PLXDC2: variants seen among roughly 807,000 people sequenced by gnomAD.
The protein encoded by PLXDC2 is plexin domain containing 2.
PLXDC2 carries 40 observed loss-of-function variants against 68.9 expected under a neutral mutation model. That is an observed-to-expected ratio of 0.58 (90% CI 0.45 to 0.76). The LOEUF is 0.76. Among genes scored for constraint, PLXDC2 ranks in the 30% least tolerant of loss-of-function variants. The pLI is 0.00. For missense variants in PLXDC2, 644 were observed against 661.9 expected (o/e 0.97, Z 0.30); for synonymous variants, 243 against 234.2 (o/e 1.04, Z -0.34).
chr10:20,044,928 AC>A (rs1233109724), intron 2 of PLXDC2, among the ~76,000 whole-genome samples: 1 of 152,124 alleles, frequency 6.6e-6, no homozygotes, highest in Non-Finnish European at 1.5e-5. Context: ...TAGTATACAT[AC>A]CGCGGACACA....
intron 1 of PLXDC2, among the ~76,000 whole-genome samples, chr10:19,946,412 C>T (rs1833901390): frequency 6.6e-6 from 1 of 152,098 alleles, no homozygotes; most frequent in Non-Finnish European, 1.5e-5. Flanking sequence ...CCTCCCCTGA[C>T]CCCCTGACCG....
intron 1 of PLXDC2, among the ~76,000 whole-genome samples, chr10:19,841,025 CTAGAATAGGCATTG>C (rs767739124): frequency 3.3e-5 from 5 of 152,146 alleles, no homozygotes; most frequent in Non-Finnish European, 5.9e-5. Context: ...CCTCAGCTGT[CTAGAATAGGCATTG>C]CTCTGTGTCC....
chr10:19,909,136 G>A (rs374457784), intron 1 of PLXDC2, among the ~76,000 whole-genome samples: 1 of 152,062 alleles, frequency 6.6e-6, no homozygotes, highest in African/African-American at 2.4e-5. Context: ...AGTTTCTATG[G>A]GTAAGAACTG....
intron 1 of PLXDC2, among the ~76,000 whole-genome samples, chr10:19,955,286 G>A (rs1047200929): frequency 2.0e-5 from 3 of 150,688 alleles, no homozygotes; most frequent in African/African-American, 2.4e-5. Flanking sequence ...CTCCTGCATA[G>A]CCTCCCAAAC....
chr10:20,019,147 C>T (rs1835261406), intron 2 of PLXDC2, among the ~76,000 whole-genome samples: 1 of 138,990 alleles, frequency 7.2e-6, no homozygotes, highest in African/African-American at 2.6e-5. Flanking sequence ...TAATGAAGCT[C>T]AACCAAATAA....
intron 4 of PLXDC2, among the ~76,000 whole-genome samples, chr10:20,135,550 G>T (rs1833922678): frequency 6.6e-6 from 1 of 152,116 alleles, no homozygotes; most frequent in Non-Finnish European, 1.5e-5. Flanking sequence ...AAGAAGGTTT[G>T]GGCTTTTTGG....
chr10:19,867,378 G>A (rs1325823394), intron 1 of PLXDC2, among the ~76,000 whole-genome samples: 1 of 152,072 alleles, frequency 6.6e-6, no homozygotes, highest in Non-Finnish European at 1.5e-5. Context: ...GTTCCCTCTT[G>A]TCTGAGGCCT....
intron 3 of PLXDC2, among the ~76,000 whole-genome samples, chr10:20,058,346 C>G (rs1408155532): frequency 6.6e-6 from 1 of 152,070 alleles, no homozygotes; most frequent in African/African-American, 2.4e-5. Context: ...GGACTTGGAA[C>G]TAGACTGCCT....
chr10:19,949,123 CAAAAA>C (rs60138814), intron 1 of PLXDC2, among the ~76,000 whole-genome samples: 10,036 of 82,978 alleles, frequency 0.12, 300 homozygotes, highest in Middle Eastern at 0.18. Context: ...GAGACTTTGT[CAAAAA>C]AAAAAAAAAA....
In PLXDC2 at chr10:19,972,734, A is replaced by G. The variant is rs1018695415; in HGVS notation, c.113-29041A>G. Among the ~76,000 whole-genome samples, 9 of 152,336 alleles carry G rather than the reference A, an allele frequency of 5.9e-5. No homozygotes were observed. The East Asian group carries it at 1.7e-3, about 29-fold the overall frequency. On this transcript the variant is annotated intron_variant, in intron 1 of 13. Coordinates refer to ENST00000377252, the MANE Select transcript of PLXDC2 (RefSeq NM_032812.9). Reference sequence around the variant, plus strand: ...TACAGGGGCACAGTTGAGCTGTTAAAATAGGGAAGAGTTATTTTTAAAAAG... The same window carrying G: ...TACAGGGGCACAGTTGAGCTGTTAAGATAGGGAAGAGTTATTTTTAAAAAG...
intron 1 of PLXDC2, among the ~76,000 whole-genome samples, chr10:19,877,244 G>A (rs1837648696): frequency 6.6e-6 from 1 of 151,278 alleles, no homozygotes; most frequent in South Asian, 2.1e-4. Context: ...GAGAGAGAGG[G>A]AGGGGAGAGA....
intron 2 of PLXDC2, among the ~76,000 whole-genome samples, chr10:20,019,800 A>G (rs776905817): frequency 2.5e-4 from 38 of 152,120 alleles, no homozygotes; most frequent in Non-Finnish European, 3.1e-4. Context: ...TAAGTCATCT[A>G]GTCTATGGTA....
At position 20,226,687 on chromosome 10, in the gene PLXDC2, G is replaced by T. The variant is rs543111914; in HGVS notation, c.1312+7585G>T. Among the ~76,000 whole-genome samples the T allele has an allele frequency of 8.5e-5, 13 of 152,296 alleles. No individual in the cohort carries two copies. In the South Asian group the frequency reaches 2.3e-3, roughly 27 times the overall value. On this transcript the variant is annotated intron_variant, in intron 12 of 13. Transcript: ENST00000377252. ...TTATGCTGCCGATAGGACACAGAAC[G>T]AGATGATATAGCAGAGTGCCTCTTA...
At chr10:19,984,662 G>A (rs11598764) in intron 1 of PLXDC2, among the ~76,000 whole-genome samples, 8,011 of 152,246 alleles carry the variant, frequency 0.053, 274 homozygotes, top group Middle Eastern at 0.092. Context: ...GACAGTATAA[G>A]TTTATGACCC....
chr10:20,060,510 A>G (rs1486499476), intron 3 of PLXDC2, among the ~76,000 whole-genome samples: 2 of 137,594 alleles, frequency 1.5e-5, no homozygotes, highest in South Asian at 2.2e-4. Context: ...AAAAAAAAAA[A>G]GTCATTGAGG....
In PLXDC2 at chr10:20,287,745, CTT is replaced by C. The variant is rs1441672483; in HGVS notation, c.*7929_*7930del. 1.3e-5 allele frequency: 2 copies of C among 152,008 alleles called. No homozygotes were observed. Among genetic ancestry groups the C allele is most frequent in the African/African-American group, 4.8e-5 (2 of 41,362 alleles). The allele number at this position is 152,008 out of a possible 1,614,324, so 9.4% of individuals were successfully genotyped here. A position where few individuals can be genotyped will look rare whatever the true frequency, so the allele number is the denominator to read the frequency against. On this transcript the variant is annotated 3_prime_UTR_variant, in exon 14 of 14. Transcript: ENST00000377252. Reference sequence around the variant, plus strand: ...GCCCTCACGGAGAAGAGGGGGAAGTCTTTTCATTGATTGGTCAAAACAAATCT... The same window carrying C: ...GCCCTCACGGAGAAGAGGGGGAAGTCTTCATTGATTGGTCAAAACAAATCT...
chr10:20,194,991 G>A (rs1310433932), intron 9 of PLXDC2, among the ~76,000 whole-genome samples: 1 of 151,896 alleles, frequency 6.6e-6, no homozygotes, highest in Non-Finnish European at 1.5e-5. Context: ...TGGGCTCATA[G>A]TGCTTACCTG....
chr10:20,203,944 A>T (rs1032071405), intron 9 of PLXDC2, among the ~76,000 whole-genome samples: 2 of 152,144 alleles, frequency 1.3e-5, no homozygotes, highest in Non-Finnish European at 2.9e-5. Flanking sequence ...TCAGAAGAAA[A>T]CACACTCCAC....
intron 1 of PLXDC2, among the ~76,000 whole-genome samples, chr10:19,975,471 A>C (rs1010432984): frequency 2.6e-5 from 4 of 152,018 alleles, no homozygotes; most frequent in Non-Finnish European, 4.4e-5. Context: ...TAAATAAATA[A>C]ATAATTAAAA....
Sources: allele counts gnomAD v4.1 joint callset (sites outside exome capture counted in the v4.1 genomes callset), GRCh38; gene constraint gnomAD v4.1.1; transcripts MANE v1.5; gene names NCBI Gene and HGNC (gene_info 2026-07-23, HGNC 2026-07-21).